The following NEDD1 variants were observed in gnomAD, a reference collection of about 807,000 sequenced individuals.
The protein encoded by NEDD1 is protein NEDD1.
A neutral mutation model predicts 74.0 loss-of-function variants in NEDD1; 33 were observed. The ratio of observed to expected loss-of-function variants is 0.45; its 90% CI spans 0.34 to 0.60. The LOEUF is 0.60. Ranked by LOEUF, NEDD1 falls within the 20% of genes least tolerant of loss-of-function variation. The pLI is 0.01. For synonymous variants in NEDD1, 250 were observed against 264.4 expected (o/e 0.95, Z 0.53); for missense variants, 746 against 776.5 (o/e 0.96, Z 0.47).
Position 96,917,863 on chromosome 12 carries a change from G to A in NEDD1, c.348+126G>A, listed in dbSNP as rs17026103. 7.5e-3 allele frequency: 8,820 copies of A among 1,173,738 alleles called. 340 individuals carry two copies. In the East Asian group the frequency reaches 0.13, roughly 18 times the overall value. The allele number at this position is 1,173,738 out of a possible 1,614,324, so 72.7% of individuals were successfully genotyped here. ...AGGCTTCAGAATTGAACTAAGATTT[G>A]TTAGGGAAAATAAAGGTGCTATTTA... On this transcript the variant is annotated intron_variant, in intron 5 of 15. Transcript: ENST00000266742.
chr12:96,926,230 A>G lies in NEDD1; in HGVS notation c.489+6105A>G, dbSNP rs944362839. On this transcript the variant is annotated intron_variant, in intron 6 of 15. Transcript: ENST00000266742. ...TGTGTTCCCTCCAAACCCAGTTGCA[A>G]CTTGACCCCAGTGATCATATTTTGT... 1.6e-4 allele frequency among the ~76,000 whole-genome samples: 24 copies of G among 152,296 alleles called. 2 individuals carry two copies. The highest frequency in any genetic ancestry group is 8.5e-4 in the Admixed American group (13 of 15,298).
intron 5 of NEDD1, among the ~76,000 whole-genome samples, chr12:96,918,361 G>C (rs1874695897): frequency 6.6e-6 from 1 of 151,264 alleles, no homozygotes; most frequent in Non-Finnish European, 1.5e-5. Context: ...TTAATATTTA[G>C]AAGTTGATCT....
At chr12:96,909,419 A>G (rs1565781272) in intron 2 of NEDD1, among the ~76,000 whole-genome samples, 1 of 152,268 alleles carries the variant, frequency 6.6e-6, no homozygotes, top group East Asian at 1.9e-4. Flanking sequence ...AAATGAAAAG[A>G]CACTGAGGTG....
intron 14 of NEDD1, among the ~76,000 whole-genome samples, chr12:96,949,543 A>C (rs1279688864): frequency 6.6e-6 from 1 of 152,186 alleles, no homozygotes; most frequent in Non-Finnish European, 1.5e-5. Context: ...TTGGAAGAAG[A>C]TGATGAAGTG....
chr12:96,933,001 T>C (rs1328975550), intron 6 of NEDD1, among the ~76,000 whole-genome samples: 3 of 144,500 alleles, frequency 2.1e-5, no homozygotes, highest in African/African-American at 7.6e-5. Flanking sequence ...TCTTTAGCCT[T>C]TTTTTTTTTT....
Position 96,945,767 on chromosome 12 carries a change from A to G in NEDD1, c.1729A>G (p.Asn577Asp), listed in dbSNP as rs1878131835. The change falls in exon 14 of 16, where the codon AAT becomes GAT. Residue 577 changes from asparagine to aspartate, a missense_variant. By Grantham distance (23) the Asn-to-Asp change is conservative. Transcript: ENST00000266742. ...AGAAAAAATAGCCGACAGCATTGGA[A>G]ATAACCGGCAAAATGCACCATTGAC... ...LSEKIADSIG[N>D]NRQNAPLTSI... 4 of 1,610,478 alleles carry G rather than the reference A, an allele frequency of 2.5e-6. No individual in the cohort carries two copies. Among genetic ancestry groups the G allele is most frequent in the Non-Finnish European group, 3.4e-6 (4 of 1,176,688 alleles).
At chr12:96,927,690 A>T (rs779097192) in intron 6 of NEDD1, among the ~76,000 whole-genome samples, 1 of 152,224 alleles carries the variant, frequency 6.6e-6, no homozygotes, top group Non-Finnish European at 1.5e-5. Context: ...TGTTTTATGT[A>T]TAGATTTTGT....
chr12:96,944,874 A>G (rs1878043925), intron 13 of NEDD1, 79 bp downstream of exon 13: 4 of 1,084,836 alleles, frequency 3.7e-6, no homozygotes, highest in Non-Finnish European at 5.2e-6. Flanking sequence ...TAAAGGAGAA[A>G]TAGAGTAATC....
intron 6 of NEDD1, among the ~76,000 whole-genome samples, chr12:96,931,300 G>A (rs949686569): frequency 3.9e-5 from 6 of 152,072 alleles, no homozygotes; most frequent in Non-Finnish European, 8.8e-5. Context: ...TAAGTCACTG[G>A]CAACAAGTTT....
intron 6 of NEDD1, among the ~76,000 whole-genome samples, chr12:96,922,681 C>G (rs7971975): frequency 0.48 from 72,831 of 151,988 alleles, 17,717 homozygotes; most frequent in African/African-American, 0.54. Context: ...GTGCATATAT[C>G]TTAAGTGTAC....
Position 96,907,267 on chromosome 12 carries a change from C to T in NEDD1, c.-295C>T, listed in dbSNP as rs1054957086. ...GGGAGCCGGAAGCCCAGCGCGGAGC[C>T]GGCCGCGGCCCCCTGTTGTGTTGCT... On this transcript the variant is annotated 5_prime_UTR_variant, in exon 1 of 16. Transcript: ENST00000266742. 11 of 241,000 alleles carry T rather than the reference C, an allele frequency of 4.6e-5. No individual in the cohort carries two copies. The East Asian group carries it at 5.1e-4, about 11-fold the overall frequency. 14.9% of individuals were successfully genotyped at this position (241,000 alleles called of 1,614,324 possible).
At chr12:96,942,378 A>G (rs981167593) in intron 10 of NEDD1, among the ~76,000 whole-genome samples, 199 bp from the exon 11 acceptor site, 1 of 152,084 alleles carries the variant, frequency 6.6e-6, no homozygotes, top group African/African-American at 2.4e-5. Flanking sequence ...ATCTGTTCAT[A>G]TTTGCTGCTA....
intron 9 of NEDD1, among the ~76,000 whole-genome samples, chr12:96,939,514 CTT>C (rs1409577320): frequency 6.6e-6 from 1 of 151,994 alleles, no homozygotes; most frequent in East Asian, 1.9e-4. Flanking sequence ...GCAGGCTGTT[CTT>C]TGTTTTCATC....
intron 14 of NEDD1, among the ~76,000 whole-genome samples, chr12:96,948,519 C>T (rs1286899323): frequency 6.6e-6 from 1 of 152,196 alleles, no homozygotes; most frequent in East Asian, 1.9e-4. Context: ...TTTCCATTCT[C>T]AGCTCTCGGT....
Position 96,940,646 on chromosome 12 carries a change from C to T in NEDD1, c.1246+109C>T, listed in dbSNP as rs1022989716. 3.4e-5 allele frequency: 23 copies of T among 671,452 alleles called. No homozygotes were observed. In the African/African-American group the frequency reaches 4.2e-4, roughly 12 times the overall value. The allele number at this position is 671,452 out of a possible 1,614,324, so 41.6% of individuals were successfully genotyped here. ...CCAACTCTATTCACGGATCAGTTTG[C>T]TAATTTTCTCCATCCCTGGGGTGGT... is the stretch of plus-strand genomic sequence containing the variant. On this transcript the variant is annotated intron_variant, in intron 10 of 15. Transcript: ENST00000266742.
At chr12:96,935,814 A>C (rs1877025533) in intron 7 of NEDD1, among the ~76,000 whole-genome samples, 1 of 151,774 alleles carries the variant, frequency 6.6e-6, no homozygotes, top group African/African-American at 2.4e-5. Context: ...AGGTATGCTT[A>C]GTTAGCTAAA....
chr12:96,907,587 T>G lies in NEDD1; in HGVS notation c.-261-17T>G. The G allele has an allele frequency of 6.4e-7, 1 of 1,550,508 alleles. No homozygotes were observed. Among genetic ancestry groups the G allele is most frequent in the Non-Finnish European group, 8.7e-7 (1 of 1,145,932 alleles). On this transcript the variant is annotated splice_polypyrimidine_tract_variant and intron_variant, in intron 1 of 15. Coordinates refer to ENST00000266742, the MANE Select transcript of NEDD1 (RefSeq NM_152905.4). The stretch of plus-strand genomic sequence containing the variant: ...TGTCTCCTTTTTTGTCAACCTCAAG[T>G]ACTTTTCTTTTGGCAGGTACTTGGA...
At chr12:96,916,328 A>G (rs1158814429) in intron 4 of NEDD1, among the ~76,000 whole-genome samples, 1 of 147,662 alleles carries the variant, frequency 6.8e-6, no homozygotes, top group Non-Finnish European at 1.5e-5. Flanking sequence ...ATACGTATAC[A>G]TGTGCCATGC....
chr12:96,909,915 A>ACAC lies in NEDD1; in HGVS notation c.136+20_136+21insCAC, dbSNP rs776137409. ...GCAATAGTATCCTTTAAAAAAAAAA[A>ACAC]ACACACACACACACACACAAACCGC... On this transcript the variant is annotated intron_variant, in intron 3 of 15. Transcript: ENST00000266742. 6.0e-6 allele frequency: 8 copies of ACAC among 1,343,522 alleles called. No homozygotes were observed. The South Asian group carries it at 9.6e-5, about 16-fold the overall frequency. The allele number at this position is 1,343,522 out of a possible 1,614,324, so 83.2% of individuals were successfully genotyped here.
Sources: allele counts gnomAD v4.1 joint callset (sites outside exome capture counted in the v4.1 genomes callset), GRCh38; gene constraint gnomAD v4.1.1; transcripts MANE v1.5; gene names NCBI Gene and HGNC (gene_info 2026-07-23, HGNC 2026-07-21).